Variants in SDK2 observed in about 807,000 individuals in gnomAD.
The protein encoded by SDK2 is sidekick cell adhesion molecule 2.
In SDK2, 105 loss-of-function variants were observed where a neutral mutation model predicts 253.9. That is an observed-to-expected ratio of 0.41 (90% CI 0.35 to 0.49). SDK2 has a LOEUF of 0.49. SDK2 is among the 20% of genes least tolerant of loss of function. SDK2 has a pLI of 0.06. For missense variants in SDK2, 2,608 were observed against 3,003.0 expected (o/e 0.87, Z 3.07); for synonymous variants, 1,249 against 1,234.9 (o/e 1.01, Z -0.24).
intron 1 of SDK2, among the ~76,000 whole-genome samples, chr17:73,637,638 G>A (rs2046348706): frequency 6.6e-6 from 1 of 152,180 alleles, no homozygotes. Flanking sequence ...GCCTCCCAAA[G>A]TGCTGGGATT....
intron 1 of SDK2, among the ~76,000 whole-genome samples, chr17:73,622,494 G>A (rs2046145851): frequency 1.3e-5 from 2 of 152,232 alleles, no homozygotes; most frequent in South Asian, 4.1e-4. Context: ...GAAAGTAATA[G>A]TTCCCAGTCT....
chr17:73,606,995 A>G (rs1306986061), intron 1 of SDK2, among the ~76,000 whole-genome samples: 1 of 152,226 alleles, frequency 6.6e-6, no homozygotes, highest in Non-Finnish European at 1.5e-5. Flanking sequence ...GAGGGTCTCC[A>G]ATATTCAAGC....
intron 16 of SDK2, among the ~76,000 whole-genome samples, chr17:73,416,863 A>G (rs2063186694): frequency 6.6e-6 from 1 of 152,106 alleles, no homozygotes; most frequent in African/African-American, 2.4e-5. Flanking sequence ...TGCTGGGATT[A>G]TAGGCGTGAG....
intron 3 of SDK2, among the ~76,000 whole-genome samples, chr17:73,466,389 TG>T (rs748474241): frequency 3.9e-5 from 6 of 152,194 alleles, no homozygotes; most frequent in Non-Finnish European, 7.3e-5. Flanking sequence ...TAGCATCCTT[TG>T]TTATACAAAC....
chr17:73,390,962 G>A (rs567001410), intron 28 of SDK2, among the ~76,000 whole-genome samples: 1 of 152,336 alleles, frequency 6.6e-6, no homozygotes, highest in African/African-American at 2.4e-5. Flanking sequence ...GGGCACTGAG[G>A]CCGCAGAGGG....
Position 73,395,405 on chromosome 17 carries a change from A to T in SDK2, c.3355-13T>A. ...TCTCCGGGAGAGGCTGCAGCGGGGC[A>T]GGGGTGGCAAAGCTGCTATGAGCCA... On this transcript the variant is annotated splice_polypyrimidine_tract_variant and intron_variant, in intron 24 of 44. Coordinates refer to ENST00000392650, the MANE Select transcript of SDK2 (RefSeq NM_001144952.2). This position sits in a 1 kb window ranked among gnomAD's most constrained non-coding sequence, Gnocchi z 4.3. 2 of 1,608,568 alleles carry T rather than the reference A, an allele frequency of 1.2e-6. No homozygotes were observed. The highest frequency in any genetic ancestry group is 1.7e-6 in the Non-Finnish European group (2 of 1,175,338).
intron 10 of SDK2, among the ~76,000 whole-genome samples, chr17:73,433,247 C>A (rs1240616113): frequency 6.6e-6 from 1 of 151,882 alleles, no homozygotes; most frequent in Non-Finnish European, 1.5e-5. Context: ...AGATGAAGAG[C>A]TGGACCTTGA....
intron 29 of SDK2, among the ~76,000 whole-genome samples, chr17:73,389,183 C>CTTTTT (rs61085516): frequency 2.6e-4 from 26 of 98,998 alleles, no homozygotes; most frequent in Non-Finnish European, 3.9e-4. Context: ...ATATTCCTTT[C>CTTTTT]TTTTTTTTTT....
chr17:73,403,426 C>T (rs1014428325), intron 18 of SDK2, among the ~76,000 whole-genome samples: 4 of 151,934 alleles, frequency 2.6e-5, no homozygotes, highest in Admixed American at 1.3e-4. Flanking sequence ...CTGGCCCCCG[C>T]CCCCTCCCGC....
intron 1 of SDK2, among the ~76,000 whole-genome samples, chr17:73,527,545 CAGG>C (rs1267240708): frequency 6.6e-6 from 1 of 152,120 alleles, no homozygotes; most frequent in East Asian, 1.9e-4. Flanking sequence ...GAAGAGGGAA[CAGG>C]AGAAGAATGC....
intron 10 of SDK2, among the ~76,000 whole-genome samples, chr17:73,433,365 C>T (rs1352069936): frequency 6.6e-6 from 1 of 152,062 alleles, no homozygotes; most frequent in Non-Finnish European, 1.5e-5. Flanking sequence ...TCACTGCAAG[C>T]TCCACCTCCC....
At chr17:73,398,491 C>A in intron 22 of SDK2, 62 bp from the exon 23 acceptor site, 2 of 1,417,550 alleles carry the variant, frequency 1.4e-6, no homozygotes, top group East Asian at 2.3e-5. Flanking sequence ...GTGCTCCGAG[C>A]CCCAGTACAA....
At chr17:73,500,182 T>C (rs2063876584) in intron 2 of SDK2, among the ~76,000 whole-genome samples, 1 of 129,370 alleles carries the variant, frequency 7.7e-6, no homozygotes, top group African/African-American at 3.1e-5. Context: ...CTCCCTCCAT[T>C]CTCCTCCATC....
In SDK2 at chr17:73,390,410, C is replaced by G. The variant is rs201007116; in HGVS notation, c.4069G>C (p.Ala1357Pro). The G allele has an allele frequency of 6.2e-7, 1 of 1,612,748 alleles. No homozygotes were observed. The highest frequency in any genetic ancestry group is 1.7e-5 in the Admixed American group (1 of 59,864). ...TATVEVLAPS[A>P]RQYTATGLKP... Reference sequence around the variant, plus strand: ...AGGCCCGTGGCTGTGTACTGCCGGGCGCTGGGTGCCAGCACCTCCACAGTG... The same window carrying G: ...AGGCCCGTGGCTGTGTACTGCCGGGGGCTGGGTGCCAGCACCTCCACAGTG... The change falls in exon 29 of 45, where the codon GCC (alanine) becomes CCC (proline). Residue 1357 changes from alanine to proline, a missense_variant. By Grantham distance (27) the Ala-to-Pro change is conservative. Transcript: ENST00000392650.
chr17:73,423,767 AG>A, intron 13 of SDK2, 148 bp downstream of exon 13: 1 of 777,252 alleles, frequency 1.3e-6, no homozygotes, highest in East Asian at 2.7e-5. Context: ...AAGGCCTGGA[AG>A]GATGCTGGGG....
intron 25 of SDK2, among the ~76,000 whole-genome samples, 161 bp downstream of exon 25, chr17:73,394,994 G>C (rs1269641879): frequency 6.6e-6 from 1 of 152,204 alleles, no homozygotes; most frequent in Non-Finnish European, 1.5e-5. Flanking sequence ...GGTGCTGGGA[G>C]AGGCGGCAAC....
chr17:73,483,607 ATATATATGTATATATATG>A (rs1247112926), intron 2 of SDK2, among the ~76,000 whole-genome samples: 1 of 133,060 alleles, frequency 7.5e-6, no homozygotes, highest in African/African-American at 2.9e-5. Flanking sequence ...ATGTATGTGT[ATATATATGTATATATATG>A]TATATGTATA....
intron 1 of SDK2, among the ~76,000 whole-genome samples, chr17:73,539,960 C>T (rs1363020670): frequency 3.3e-5 from 5 of 149,974 alleles, no homozygotes; most frequent in African/African-American, 1.2e-4. Flanking sequence ...CCACCAGAGA[C>T]GGGGTCATGC....
intron 18 of SDK2, among the ~76,000 whole-genome samples, chr17:73,406,460 T>C (rs1425761139): frequency 1.3e-5 from 2 of 151,856 alleles, no homozygotes; most frequent in Non-Finnish European, 2.9e-5. Context: ...ATGTTGGCCA[T>C]GGTGGTCTTG....
Sources: gnomAD v4.1 joint callset for allele counts (sites outside exome capture counted in the v4.1 genomes callset) on GRCh38, gnomAD v4.1.1 for gene constraint, Gnocchi (gnomAD v3.1) non-coding constraint, MANE v1.5 for transcripts, NCBI Gene and HGNC (gene_info 2026-07-23, HGNC 2026-07-21) for gene names.